The following RASA3 variants were observed in gnomAD, a reference collection of about 807,000 sequenced individuals.
The protein encoded by RASA3 is RAS p21 protein activator 3.
RASA3 carries 73 observed loss-of-function variants against 110.0 expected under a neutral mutation model. The observed-to-expected ratio is 0.66, with a 90% CI of 0.55 to 0.81. The LOEUF is 0.81. Ranked by LOEUF, RASA3 falls within the 30% of genes least tolerant of loss-of-function variation. The pLI is 0.00. For synonymous variants in RASA3, 500 were observed against 451.4 expected (o/e 1.11, Z -1.37); for missense variants, 976 against 1,113.2 (o/e 0.88, Z 1.75).
At chr13:114,044,776 G>A (rs1010506740) in intron 3 of RASA3, among the ~76,000 whole-genome samples, 2 of 151,756 alleles carry the variant, frequency 1.3e-5, no homozygotes, top group African/African-American at 2.4e-5. Context: ...ACTCCAAGAC[G>A]CCTTCAGCTG....
intron 1 of RASA3, among the ~76,000 whole-genome samples, chr13:114,081,353 A>G (rs969994257): frequency 6.6e-6 from 1 of 152,168 alleles, no homozygotes; most frequent in African/African-American, 2.4e-5. Context: ...AGGGCTGCCC[A>G]GTCTCCCGAT....
At chr13:114,055,180 A>C (rs563471007) in intron 2 of RASA3, among the ~76,000 whole-genome samples, 31 of 152,256 alleles carry the variant, frequency 2.0e-4, no homozygotes, top group Admixed American at 5.9e-4. Flanking sequence ...GGGTGTGTGC[A>C]TGCATGTGCC....
chr13:114,114,266 G>A lies in RASA3; in HGVS notation c.55+18169C>T, dbSNP rs1209205673. On this transcript the variant is annotated intron_variant, in intron 1 of 23. Coordinates refer to ENST00000334062, the MANE Select transcript of RASA3 (RefSeq NM_007368.4). The surrounding 1 kb of genome is among the most constrained non-coding windows in gnomAD (Gnocchi z 4.8). ...TAGAAAGGCAACCGCAAATTCAGCT[G>A]CGGAGTGCAAAACGAATTTCCTCCT... Among the ~76,000 whole-genome samples, 1 of 152,228 alleles carries A rather than the reference G, an allele frequency of 6.6e-6. No homozygotes were observed. Among genetic ancestry groups the A allele is most frequent in the Non-Finnish European group, 1.5e-5 (1 of 68,036 alleles).
At chr13:114,047,874 C>A (rs370068131) in intron 3 of RASA3, among the ~76,000 whole-genome samples, 1 of 152,212 alleles carries the variant, frequency 6.6e-6, no homozygotes, top group Non-Finnish European at 1.5e-5. Context: ...GGAAATCCAC[C>A]CCAAAGGGGC....
Position 114,027,480 on chromosome 13 carries a change from G to A in RASA3, c.531-19C>T, listed in dbSNP as rs747870917. 12 of 1,592,192 alleles carry A rather than the reference G, an allele frequency of 7.5e-6. No individual in the cohort carries two copies. The South Asian group carries it at 1.0e-4, about 13-fold the overall frequency. ...TTCTGATCTGTTATCAAGTGAGAAA[G>A]GATTGGGATTAAAACAACACTGCTG... On this transcript the variant is annotated intron_variant, in intron 6 of 23. Transcript: ENST00000334062.
At chr13:113,980,344 ACCT>A (rs1388780231) in intron 23 of RASA3, among the ~76,000 whole-genome samples, 2 of 121,396 alleles carry the variant, frequency 1.6e-5, no homozygotes, top group South Asian at 2.8e-4. Context: ...ACATGTGTGC[ACCT>A]CCTGCCATGT....
intron 17 of RASA3, 146 bp downstream of exon 17, chr13:114,009,241 C>T (rs2053579649): frequency 7.5e-6 from 5 of 664,068 alleles, no homozygotes; most frequent in Non-Finnish European, 1.3e-5. Flanking sequence ...GCTGTCTGGA[C>T]AGCGCTGTGA....
intron 1 of RASA3, among the ~76,000 whole-genome samples, chr13:114,130,068 A>G (rs1334805927): frequency 6.6e-6 from 1 of 152,186 alleles, no homozygotes; most frequent in East Asian, 1.9e-4. Context: ...GCTTCTACAG[A>G]TGGGCTTTCT....
At chr13:114,132,411 G>A (rs554762003) in intron 1 of RASA3, 24 bp downstream of exon 1, 2 of 1,508,618 alleles carry the variant, frequency 1.3e-6, no homozygotes, top group African/African-American at 1.4e-5. Flanking sequence ...GGGGTCGGAC[G>A]CGTGGCTGCC....
At chr13:114,031,275 CTGTG>C (rs145450462) in intron 4 of RASA3, among the ~76,000 whole-genome samples, 14,102 of 150,930 alleles carry the variant, frequency 0.093, 1,381 homozygotes, top group African/African-American at 0.25. Flanking sequence ...TTGCATGAAA[CTGTG>C]TGTGTCTGCC....
intron 10 of RASA3, among the ~76,000 whole-genome samples, chr13:114,018,460 AC>A (rs762622562): frequency 6.6e-6 from 1 of 151,022 alleles, no homozygotes; most frequent in Non-Finnish European, 1.5e-5. Context: ...CCTTCTAGCG[AC>A]CCCCCCATGC....
intron 5 of RASA3, among the ~76,000 whole-genome samples, chr13:114,028,799 C>T (rs369314291): frequency 2.6e-5 from 2 of 75,804 alleles, no homozygotes; most frequent in Non-Finnish European, 4.7e-5. Context: ...TCTAAAACGG[C>T]GTCATCCTGG....
intron 18 of RASA3, among the ~76,000 whole-genome samples, chr13:114,002,488 C>T (rs1394780652): frequency 1.4e-5 from 2 of 146,838 alleles, no homozygotes; most frequent in African/African-American, 2.5e-5. Context: ...CCTACACAGA[C>T]GGGGGTTGGG....
intron 18 of RASA3, among the ~76,000 whole-genome samples, chr13:114,004,013 A>C (rs2053460172): frequency 6.6e-6 from 1 of 152,238 alleles, no homozygotes; most frequent in Admixed American, 6.5e-5. Context: ...TCCTTATGGC[A>C]CCGAAGAACA....
intron 12 of RASA3, among the ~76,000 whole-genome samples, chr13:114,016,691 TTAA>T (rs759080488): frequency 6.6e-6 from 1 of 152,230 alleles, no homozygotes; most frequent in Non-Finnish European, 1.5e-5. Flanking sequence ...TCACAGGGCT[TTAA>T]TAATATTTTT....
rs2052943645 is a variant in RASA3, at chr13:113,981,859, CTG to C, written c.2246-3_2246-2del. ...TACACAGATTTGCTCCCACAGGCCT[CTG>C]TGGAGGGCGGAGGGGTCAGCGCAGG... On this transcript the variant is annotated splice_acceptor_variant and splice_polypyrimidine_tract_variant and intron_variant, in intron 22 of 23. Coordinates refer to ENST00000334062, the MANE Select transcript of RASA3 (RefSeq NM_007368.4). LOFTEE classifies it high-confidence loss of function. 6.2e-7 allele frequency: 1 copy of C among 1,613,150 alleles called. No individual in the cohort carries two copies. The highest frequency in any genetic ancestry group is 1.7e-5 in the Admixed American group (1 of 59,990).
rs771779041 is a variant in RASA3, at chr13:114,082,630, T to G, written c.56-8793A>C. On this transcript the variant is annotated intron_variant, in intron 1 of 23. Coordinates refer to ENST00000334062, the MANE Select transcript of RASA3 (RefSeq NM_007368.4). Reference sequence around the variant, plus strand: ...GAACGTCTCCCAGCTGCGTCCCGTCTGGGGGCAGCCCCAGAGAAGGAATGG... The same window carrying G: ...GAACGTCTCCCAGCTGCGTCCCGTCGGGGGGCAGCCCCAGAGAAGGAATGG... Among the ~76,000 whole-genome samples the G allele has an allele frequency of 1.1e-3, 167 of 152,146 alleles. 2 individuals carry two copies. Among genetic ancestry groups the G allele is most frequent in the Non-Finnish European group, 1.4e-3 (92 of 68,016 alleles).
chr13:114,109,265 C>G (rs1046308281), intron 1 of RASA3, among the ~76,000 whole-genome samples: 1 of 152,196 alleles, frequency 6.6e-6, no homozygotes, highest in African/African-American at 2.4e-5. Context: ...ACGGCGACCA[C>G]GTGAAGCCTC....
intron 1 of RASA3, among the ~76,000 whole-genome samples, chr13:114,124,328 C>T (rs997835276): frequency 1.1e-4 from 17 of 152,252 alleles, no homozygotes; most frequent in African/African-American, 4.1e-4. Flanking sequence ...TATTTTCAGA[C>T]ACTCATAGAA....
Sources: gnomAD v4.1 joint callset for allele counts (sites outside exome capture counted in the v4.1 genomes callset) on GRCh38, gnomAD v4.1.1 for gene constraint, Gnocchi (gnomAD v3.1) non-coding constraint, MANE v1.5 for transcripts, NCBI Gene and HGNC (gene_info 2026-07-23, HGNC 2026-07-21) for gene names.